The following MAP3K1 variants were observed in gnomAD, a reference collection of about 807,000 sequenced individuals.
MAP3K1 encodes the protein MAP/ERK kinase kinase 1.
Under a neutral mutation model 144.2 loss-of-function variants are expected in MAP3K1, and 36 were observed. That is an observed-to-expected ratio of 0.25 (90% CI 0.19 to 0.33). The LOEUF (loss-of-function observed/expected upper bound fraction) is 0.33, where lower values mean the gene tolerates loss of function less well. Among genes scored for constraint, MAP3K1 ranks in the 10% least tolerant of loss-of-function variants. The pLI, the probability that MAP3K1 is intolerant of heterozygous loss-of-function variation, is 1.00. For missense variants in MAP3K1, 1,650 were observed against 1,881.9 expected (o/e 0.88, Z 2.28); for synonymous variants, 718 against 688.7 (o/e 1.04, Z -0.67).
intron 1 of MAP3K1, among the ~76,000 whole-genome samples, chr5:56,826,949 C>A (rs186509347): frequency 1.2e-4 from 18 of 152,286 alleles, no homozygotes; most frequent in African/African-American, 4.1e-4. Flanking sequence ...AGGCCCCCGT[C>A]CACTGTGAGT....
intron 10 of MAP3K1, among the ~76,000 whole-genome samples, chr5:56,876,524 G>C (rs1175260149): frequency 6.6e-6 from 1 of 152,096 alleles, no homozygotes; most frequent in Non-Finnish European, 1.5e-5. Flanking sequence ...ACAATTGAGT[G>C]ATCTCATAAT....
chr5:56,816,096 CGGGCAGA>C, intron 1 of MAP3K1, 41 bp downstream of exon 1: 1 of 1,201,480 alleles, frequency 8.3e-7, no homozygotes, highest in Non-Finnish European at 1.0e-6. Context: ...ACTTGGAGAG[CGGGCAGA>C]GGGCAATGAA....
intron 6 of MAP3K1, 58 bp downstream of exon 6, chr5:56,866,035 T>A: frequency 8.1e-7 from 1 of 1,240,484 alleles, no homozygotes; most frequent in Non-Finnish European, 1.2e-6. Flanking sequence ...ATTTTAGGGG[T>A]AATTTTTTAT....
Position 56,843,930 on chromosome 5 carries a change from C to G in MAP3K1, c.483-12670C>G, listed in dbSNP as rs190275897. Reference sequence around the variant, plus strand: ...GAGGGTCTGTAGAGATGAGCCAGTACAGGTTTCTTAGAGTATGTTCCAAGG... The same window carrying G: ...GAGGGTCTGTAGAGATGAGCCAGTAGAGGTTTCTTAGAGTATGTTCCAAGG... On this transcript the variant is annotated intron_variant, in intron 1 of 19. Transcript: ENST00000399503. Among the ~76,000 whole-genome samples the G allele has an allele frequency of 2.8e-3, 430 of 152,192 alleles. 1 individual carries two copies. Among genetic ancestry groups the G allele is most frequent in the African/African-American group, 1.0e-2 (415 of 41,524 alleles).
At position 56,815,772 on chromosome 5, in the gene MAP3K1, A is replaced by C; in HGVS notation, c.199A>C (p.Ser67Arg). ...GCGGCGGCAGCTGCGCAAAGTGCGG[A>C]GTGTGGAGCTGGACCAGCTGCCTGA... ...WRRRQLRKVR[S>R]VELDQLPEQP... The change falls in exon 1 of 20, where the codon AGT becomes CGT. Residue 67 changes from serine to arginine, a missense_variant. Ser to Arg is a moderately radical substitution (Grantham distance 110). Around this residue, in one of 6 missense-constraint regions of MAP3K1, gnomAD observed 360 missense variants for 274.7 expected, o/e 1.31. Transcript: ENST00000399503. 1 of 1,404,036 alleles carries C rather than the reference A, an allele frequency of 7.1e-7. No homozygotes were observed. The allele number at this position is 1,404,036 out of a possible 1,614,324, so 87.0% of individuals were successfully genotyped here.
At position 56,875,065 on chromosome 5, in the gene MAP3K1, TCTAGAAA is replaced by T; in HGVS notation, c.1723_1729del (p.Arg575GlyfsTer3). ...AATGGAACTCGTTGGCTGCTTATTT[TCTAGAAA>T]CTGGAATGTGAGAGAGATGGCCCTC... On this transcript the variant is annotated frameshift_variant, in exon 10 of 20. Transcript: ENST00000399503. LOFTEE classifies it high-confidence loss of function. 2 of 1,614,252 alleles carry T rather than the reference TCTAGAAA, an allele frequency of 1.2e-6. No individual in the cohort carries two copies. The highest frequency in any genetic ancestry group is 1.7e-6 in the Non-Finnish European group (2 of 1,180,040).
At chr5:56,861,105 G>A (rs1297340937) in intron 3 of MAP3K1, among the ~76,000 whole-genome samples, 1 of 152,180 alleles carries the variant, frequency 6.6e-6, no homozygotes, top group Non-Finnish European at 1.5e-5. Flanking sequence ...CACGTGATCA[G>A]TGTATGATAA....
intron 11 of MAP3K1, among the ~76,000 whole-genome samples, chr5:56,880,059 T>C (rs765825452): frequency 2.6e-5 from 4 of 152,242 alleles, no homozygotes; most frequent in Non-Finnish European, 5.9e-5. Context: ...GATGTTTCCT[T>C]GTTGCTTAGA....
intron 6 of MAP3K1, among the ~76,000 whole-genome samples, chr5:56,870,422 T>A (rs777692154): frequency 6.6e-6 from 1 of 152,216 alleles, no homozygotes; most frequent in Non-Finnish European, 1.5e-5. Context: ...ATAAAAACAT[T>A]TATGAAATAG....
chr5:56,854,907 A>G (rs1378422741), intron 1 of MAP3K1, among the ~76,000 whole-genome samples: 1 of 152,092 alleles, frequency 6.6e-6, no homozygotes, highest in African/African-American at 2.4e-5. Context: ...GAACCAAACC[A>G]CCTCTTGCAA....
chr5:56,850,762 C>T (rs1262440567), intron 1 of MAP3K1, among the ~76,000 whole-genome samples: 2 of 152,144 alleles, frequency 1.3e-5, no homozygotes, highest in African/African-American at 4.8e-5. Context: ...TGGAAGGGTG[C>T]AGTAAATTCA....
intron 1 of MAP3K1, among the ~76,000 whole-genome samples, chr5:56,847,268 A>G (rs1250632904): frequency 1.3e-5 from 2 of 152,346 alleles, no homozygotes; most frequent in African/African-American, 4.8e-5. Flanking sequence ...AGACTGTTGA[A>G]GTACATCCAT....
intron 1 of MAP3K1, among the ~76,000 whole-genome samples, chr5:56,819,729 G>A (rs896254623): frequency 1.3e-5 from 2 of 152,184 alleles, no homozygotes; most frequent in Non-Finnish European, 2.9e-5. Flanking sequence ...TAGGAACTGC[G>A]TGTATATTAC....
chr5:56,816,600 C>T (rs1169966817), intron 1 of MAP3K1, among the ~76,000 whole-genome samples: 2 of 152,098 alleles, frequency 1.3e-5, no homozygotes, highest in Non-Finnish European at 2.9e-5. Flanking sequence ...CCCCTCGGCC[C>T]GCCCGGGACT....
chr5:56,844,172 TG>T (rs1251707776), intron 1 of MAP3K1, among the ~76,000 whole-genome samples: 23 of 147,814 alleles, frequency 1.6e-4, no homozygotes, highest in East Asian at 9.9e-4. Context: ...ATTATAGGAT[TG>T]TTTTTTTTGG....
chr5:56,863,215 G>A (rs901927183), intron 3 of MAP3K1, among the ~76,000 whole-genome samples: 1 of 152,178 alleles, frequency 6.6e-6, no homozygotes, highest in Non-Finnish European at 1.5e-5. Context: ...AGAGATCTCT[G>A]AACTTGCGGT....
intron 1 of MAP3K1, among the ~76,000 whole-genome samples, chr5:56,854,109 C>T (rs1747260134): frequency 6.6e-6 from 1 of 152,092 alleles, no homozygotes. Context: ...CATTTGTGTA[C>T]ATTTTTAACC....
At chr5:56,843,564 T>G (rs1278667162) in intron 1 of MAP3K1, among the ~76,000 whole-genome samples, 1 of 152,182 alleles carries the variant, frequency 6.6e-6, no homozygotes, top group African/African-American at 2.4e-5. Flanking sequence ...TCATGGCTTT[T>G]TTGCTTTCAC....
chr5:56,839,416 G>T (rs773422540), intron 1 of MAP3K1, among the ~76,000 whole-genome samples: 3 of 152,156 alleles, frequency 2.0e-5, no homozygotes, highest in Non-Finnish European at 4.4e-5. Context: ...CCTTGCTTAT[G>T]TGTACAGATT....
Sources: allele counts gnomAD v4.1 joint callset (sites outside exome capture counted in the v4.1 genomes callset), GRCh38; gene constraint gnomAD v4.1.1; regional missense constraint gnomAD v4.1.1; transcripts MANE v1.5; gene names NCBI Gene and HGNC (gene_info 2026-07-23, HGNC 2026-07-21).